CCNY: variants seen among roughly 807,000 people sequenced by gnomAD.
CCNY encodes the protein cyclin-Y.
CCNY carries 19 observed loss-of-function variants against 42.8 expected under a neutral mutation model. The ratio of observed to expected loss-of-function variants is 0.44; its 90% CI spans 0.31 to 0.65. The LOEUF is 0.65. CCNY is among the 30% of genes least tolerant of loss of function. The pLI is 0.07. For synonymous variants in CCNY, 165 were observed against 162.7 expected (o/e 1.01, Z -0.11); for missense variants, 370 against 437.3 (o/e 0.85, Z 1.37).
chr10:35,315,953 T>G (rs114070731), intron 3 of CCNY, among the ~76,000 whole-genome samples: 37 of 152,204 alleles, frequency 2.4e-4, no homozygotes, highest in Non-Finnish European at 2.9e-5. Flanking sequence ...CCCAGACCCA[T>G]TTCTACCTTC....
At chr10:35,400,786 T>C (rs1408147787) in intron 1 of CCNY, among the ~76,000 whole-genome samples, 2 of 152,346 alleles carry the variant, frequency 1.3e-5, no homozygotes, top group Admixed American at 1.3e-4. Flanking sequence ...CTAGAGTCTC[T>C]TAAAGCATTT....
intron 1 of CCNY, among the ~76,000 whole-genome samples, chr10:35,381,171 A>T (rs995159043): frequency 6.6e-6 from 1 of 152,186 alleles, no homozygotes; most frequent in Non-Finnish European, 1.5e-5. Flanking sequence ...CTTTCCCCCA[A>T]AATCTTTTGT....
At chr10:35,352,234 A>C (rs889966098) in intron 1 of CCNY, among the ~76,000 whole-genome samples, 2 of 152,176 alleles carry the variant, frequency 1.3e-5, no homozygotes, top group African/African-American at 4.8e-5. Flanking sequence ...GGTTATGTAA[A>C]CACAATGCTA....
chr10:35,445,088 T>C (rs1838761624), intron 1 of CCNY, among the ~76,000 whole-genome samples: 1 of 152,158 alleles, frequency 6.6e-6, no homozygotes, highest in African/African-American at 2.4e-5. Flanking sequence ...TTCACATCTG[T>C]GGAACAGTAA....
At chr10:35,528,257 A>G (rs1840692549) in intron 5 of CCNY, among the ~76,000 whole-genome samples, 1 of 152,222 alleles carries the variant, frequency 6.6e-6, no homozygotes, top group Non-Finnish European at 1.5e-5. Flanking sequence ...TTGGTATCAG[A>G]GTGTAACCAC....
chr10:35,556,896 A>C (rs1268402472), intron 8 of CCNY, among the ~76,000 whole-genome samples: 1 of 149,400 alleles, frequency 6.7e-6, no homozygotes, highest in Non-Finnish European at 1.5e-5. Flanking sequence ...CCCAGGCTGG[A>C]GTCCAATGGC....
chr10:35,461,680 C>T (rs1016241683), intron 1 of CCNY, among the ~76,000 whole-genome samples: 8 of 152,134 alleles, frequency 5.3e-5, no homozygotes, highest in Non-Finnish European at 1.2e-4. Flanking sequence ...ATACTTGGGA[C>T]CACTTGATGA....
rs371844455 is a variant in CCNY, at chr10:35,343,161, G to T, written c.154+5954G>T. ...GAGATTACAGGTGCACGCCACTACTGCCCAGCTAATTTTTGTATTTTTAGT... is the reference window on the plus strand; with the variant it reads ...GAGATTACAGGTGCACGCCACTACTTCCCAGCTAATTTTTGTATTTTTAGT... On this transcript the variant is annotated intron_variant, in intron 1 of 9. Coordinates refer to ENST00000374704, the MANE Select transcript of CCNY (RefSeq NM_145012.6). 1.1e-4 allele frequency among the ~76,000 whole-genome samples: 16 copies of T among 151,288 alleles called. No homozygotes were observed. The East Asian group carries it at 1.8e-3, about 17-fold the overall frequency.
chr10:35,474,136 G>A (rs1301854780), intron 1 of CCNY, among the ~76,000 whole-genome samples: 3 of 152,156 alleles, frequency 2.0e-5, no homozygotes, highest in South Asian at 4.1e-4. Flanking sequence ...CACCTGGCTT[G>A]GAGGGTCCTA....
intron 3 of CCNY, among the ~76,000 whole-genome samples, chr10:35,258,702 C>T (rs113114305): frequency 2.6e-4 from 40 of 152,178 alleles, no homozygotes; most frequent in African/African-American, 8.9e-4. Flanking sequence ...CTTTGGGAGG[C>T]CGAGGTGGGC....
intron 1 of CCNY, among the ~76,000 whole-genome samples, chr10:35,475,022 C>T (rs1385497186): frequency 2.6e-5 from 4 of 151,726 alleles, no homozygotes; most frequent in East Asian, 1.9e-4. Context: ...GGAGCTGATG[C>T]GATCAACTGG....
chr10:35,331,568 C>T (rs950337014), upstream of CCNY, among the ~76,000 whole-genome samples: 1 of 152,154 alleles, frequency 6.6e-6, no homozygotes, highest in African/African-American at 2.4e-5. Context: ...AAGTGCTACC[C>T]TCCCTCACTC....
intron 1 of CCNY, among the ~76,000 whole-genome samples, chr10:35,392,146 A>AT (rs921560322): frequency 7.9e-5 from 12 of 152,224 alleles, no homozygotes; most frequent in African/African-American, 2.2e-4. Context: ...CTCTTTTTAT[A>AT]TTTTTTTCCT....
chr10:35,542,696 C>T (rs1404989194), intron 7 of CCNY, among the ~76,000 whole-genome samples: 2 of 152,226 alleles, frequency 1.3e-5, no homozygotes, highest in Non-Finnish European at 2.9e-5. Context: ...GCCTCCAAAT[C>T]CCTTCTCAGA....
At chr10:35,495,115 C>A (rs1336998676) in intron 2 of CCNY, among the ~76,000 whole-genome samples, 1 of 152,154 alleles carries the variant, frequency 6.6e-6, no homozygotes, top group Non-Finnish European at 1.5e-5. Flanking sequence ...TACTTCTGGA[C>A]CCACGCATTT....
intron 1 of CCNY, among the ~76,000 whole-genome samples, chr10:35,401,513 C>CTT (rs34537954): frequency 6.9e-6 from 1 of 144,220 alleles, no homozygotes; most frequent in Non-Finnish European, 1.5e-5. Flanking sequence ...ATTTTCTTTT[C>CTT]TTTTTTTTTT....
At position 35,387,946 on chromosome 10, in the gene CCNY, C is replaced by T. The variant is rs565232491; in HGVS notation, c.154+50739C>T. On this transcript the variant is annotated intron_variant, in intron 1 of 9. Coordinates refer to ENST00000374704, the MANE Select transcript of CCNY (RefSeq NM_145012.6). Reference sequence around the variant, plus strand: ...GCCTTAGTTCTTCTGCCTTTGTGCACGTTCACTTACTTGAGATGACTTAGT... The same window carrying T: ...GCCTTAGTTCTTCTGCCTTTGTGCATGTTCACTTACTTGAGATGACTTAGT... Among the ~76,000 whole-genome samples, 4 of 152,268 alleles carry T rather than the reference C, an allele frequency of 2.6e-5. No individual in the cohort carries two copies. The East Asian group carries it at 5.8e-4, about 22-fold the overall frequency.
At chr10:35,425,194 A>G (rs950894799) in intron 1 of CCNY, among the ~76,000 whole-genome samples, 1 of 152,212 alleles carries the variant, frequency 6.6e-6, no homozygotes, top group Non-Finnish European at 1.5e-5. Flanking sequence ...TCAGGCTTGC[A>G]GTTCCCATTT....
intron 3 of CCNY, among the ~76,000 whole-genome samples, chr10:35,512,707 A>G (rs756605539): frequency 2.6e-5 from 4 of 152,118 alleles, no homozygotes; most frequent in Non-Finnish European, 4.4e-5. Context: ...GGGATGACCG[A>G]TTTGCCAAGA....
Sources: allele counts gnomAD v4.1 joint callset (sites outside exome capture counted in the v4.1 genomes callset), GRCh38; gene constraint gnomAD v4.1.1; transcripts MANE v1.5; gene names NCBI Gene and HGNC (gene_info 2026-07-23, HGNC 2026-07-21).